PDE4D: variants seen among roughly 807,000 people sequenced by gnomAD.
PDE4D encodes phosphodiesterase 4D.
In PDE4D, 24 loss-of-function variants were observed where a neutral mutation model predicts 87.4. The observed-to-expected ratio is 0.27, with a 90% CI of 0.20 to 0.39. PDE4D has a LOEUF of 0.39. Among genes scored for constraint, PDE4D ranks in the 10% least tolerant of loss-of-function variants. PDE4D has a pLI of 1.00. For synonymous variants in PDE4D, 384 were observed against 383.2 expected, an observed-to-expected ratio of 1.00 and a Z score of -0.02; for missense variants, 714 against 1,041.0, an observed-to-expected ratio of 0.69 and a Z score of 4.32.
rs143832022 is a variant in PDE4D at position 60,098,979 on chromosome 5, G to C, written c.42+86578C>G. ...GAACTCCCTTTGGCATTTCTCTTAA[G>C]GCAGGTCTAGTGGAAATAAACTCTC... On this transcript the variant is annotated intron_variant, in intron 2 of 16. Transcript: ENST00000502484. Among the ~76,000 whole-genome samples, 167 of 152,108 alleles carry C rather than the reference G, an allele frequency of 1.1e-3. 4 individuals carry two copies. In the East Asian group the frequency reaches 0.028, roughly 26 times the overall value.
intron 6 of PDE4D, among the ~76,000 whole-genome samples, chr5:59,033,691 A>G (rs963774245): frequency 2.0e-5 from 3 of 152,184 alleles, no homozygotes; most frequent in African/African-American, 7.2e-5. Flanking sequence ...TGTTTAATCT[A>G]CCCATAACAT....
In PDE4D at chr5:59,219,466, C is replaced by T. The variant is rs896696891; in HGVS notation, c.456-3498G>A. 2.8e-4 allele frequency among the ~76,000 whole-genome samples: 42 copies of T among 151,868 alleles called. 1 individual carries two copies. In the South Asian group the frequency reaches 8.4e-3, roughly 30 times the overall value. ...AATTATCAAGAAAAAGTAATATTACCGAGAATCTCCAGTCTGAAGTATCAG... is the reference window on the plus strand; with the variant it reads ...AATTATCAAGAAAAAGTAATATTACTGAGAATCTCCAGTCTGAAGTATCAG... On this transcript the variant is annotated intron_variant, in intron 1 of 14. Transcript: ENST00000340635.
At chr5:60,197,300 A>G (rs1164781768) in intron 1 of PDE4D, among the ~76,000 whole-genome samples, 2 of 151,580 alleles carry the variant, frequency 1.3e-5, no homozygotes, top group Non-Finnish European at 3.0e-5. Flanking sequence ...AGATACCTTC[A>G]GAAGTTCCTT....
intron 1 of PDE4D, among the ~76,000 whole-genome samples, chr5:59,351,285 C>A (rs1780496021): frequency 6.6e-6 from 1 of 152,106 alleles, no homozygotes; most frequent in African/African-American, 2.4e-5. Context: ...GGCTCTAGAG[C>A]CAAAGTTCTC....
intron 1 of PDE4D, among the ~76,000 whole-genome samples, chr5:60,204,852 C>T (rs557859478): frequency 6.6e-6 from 1 of 152,246 alleles, no homozygotes; most frequent in South Asian, 2.1e-4. Context: ...TTCCACCTTA[C>T]TGGGACTCAG....
intron 1 of PDE4D, among the ~76,000 whole-genome samples, chr5:59,480,918 G>A (rs1411363715): frequency 1.3e-5 from 2 of 152,070 alleles, no homozygotes; most frequent in South Asian, 2.1e-4. Flanking sequence ...AGGCCAATCG[G>A]CTTTAGTGTT....
chr5:60,117,057 AT>A (rs1359910027), intron 2 of PDE4D, among the ~76,000 whole-genome samples: 2 of 149,008 alleles, frequency 1.3e-5, no homozygotes, highest in South Asian at 2.1e-4. Flanking sequence ...AAAAAAAAAA[AT>A]ATTTCCTTCC....
At chr5:59,725,584 C>A (rs758477762) in intron 1 of PDE4D, among the ~76,000 whole-genome samples, 2 of 152,056 alleles carry the variant, frequency 1.3e-5, no homozygotes, top group South Asian at 4.1e-4. Context: ...CTATTAAGAT[C>A]AATGGAATGC....
At chr5:59,612,463 A>G (rs568018305) in intron 1 of PDE4D, among the ~76,000 whole-genome samples, 1 of 152,288 alleles carries the variant, frequency 6.6e-6, no homozygotes, top group South Asian at 2.1e-4. Flanking sequence ...TATTCAACAA[A>G]TTTTTATTGA....
intron 2 of PDE4D, among the ~76,000 whole-genome samples, chr5:60,129,337 A>G (rs1250820051): frequency 6.6e-6 from 1 of 152,226 alleles, no homozygotes; most frequent in Non-Finnish European, 1.5e-5. Context: ...ATGGTATAAT[A>G]ATGGAACTTG....
chr5:59,918,655 C>T (rs191713040), intron 3 of PDE4D, among the ~76,000 whole-genome samples: 38 of 152,256 alleles, frequency 2.5e-4, no homozygotes, highest in African/African-American at 9.1e-4. Context: ...AAGGTAGTAG[C>T]GAACTGAGGA....
intron 1 of PDE4D, among the ~76,000 whole-genome samples, chr5:60,295,346 T>C (rs1007003389): frequency 6.6e-6 from 1 of 152,238 alleles, no homozygotes; most frequent in African/African-American, 2.4e-5. Context: ...GTTTTAATTA[T>C]TCTTCTTGCA....
intron 2 of PDE4D, among the ~76,000 whole-genome samples, chr5:60,051,166 G>C (rs1024226945): frequency 6.6e-6 from 1 of 152,210 alleles, no homozygotes; most frequent in Middle Eastern, 3.4e-3. Context: ...TTCAGGACTT[G>C]ATCTCAGCTC....
chr5:59,826,569 AAAGACACATG>A (rs1293071084), intron 1 of PDE4D, among the ~76,000 whole-genome samples: 2 of 152,112 alleles, frequency 1.3e-5, no homozygotes, highest in Admixed American at 6.6e-5. Context: ...AATGCAGCCA[AAAGACACATG>A]AGAACATTTT....
chr5:60,396,937 G>A (rs985152282), intron 1 of PDE4D, among the ~76,000 whole-genome samples: 24 of 152,272 alleles, frequency 1.6e-4, no homozygotes, highest in African/African-American at 4.8e-4. Context: ...AAACAAAGAC[G>A]AACACTAGGT....
chr5:60,318,105 T>A (rs926038125), intron 1 of PDE4D, among the ~76,000 whole-genome samples: 3 of 152,146 alleles, frequency 2.0e-5, no homozygotes, highest in Non-Finnish European at 4.4e-5. Context: ...TCTCCCATTA[T>A]TGTATGGGCG....
chr5:59,256,573 G>A (rs932755953), intron 1 of PDE4D, among the ~76,000 whole-genome samples: 3 of 152,048 alleles, frequency 2.0e-5, no homozygotes, highest in Non-Finnish European at 4.4e-5. Context: ...GAAAGCATCA[G>A]GACAGCAGTA....
chr5:59,893,497 C>A lies in PDE4D; in HGVS notation c.126G>T (p.Pro42=), dbSNP rs368880986. ...LWRHEQHHQY[P]LRQPQFRLLH... ...GGAGGCGGAACTGGGGCTGCCGGAG[C>A]GGGTACTGGTGGTGCTGCTCGTGCC... Residue 42 remains proline (P), a synonymous_variant, in exon 1 of 15, where the codon CCG becomes CCT. Coordinates refer to ENST00000340635, the MANE Select transcript of PDE4D (RefSeq NM_001104631.2). 7.9e-5 allele frequency: 121 copies of A among 1,540,424 alleles called. No individual in the cohort carries two copies. In the Middle Eastern group the frequency reaches 9.6e-4, roughly 12 times the overall value.
Position 59,318,932 on chromosome 5 carries a change from TA to T in PDE4D, c.456-102965del, listed in dbSNP as rs899021350. 2.0e-5 allele frequency among the ~76,000 whole-genome samples: 3 copies of T among 151,788 alleles called. No individual in the cohort carries two copies. The East Asian group carries it at 5.8e-4, about 29-fold the overall frequency. On this transcript the variant is annotated intron_variant, in intron 1 of 14. Transcript: ENST00000340635. ...GATTTGGAAAATTCTTTTATCTTAA[TA>T]AAAAAAAGACCATAGCCCTTCTGTT...
Sources: allele counts gnomAD v4.1 joint callset (sites outside exome capture counted in the v4.1 genomes callset), GRCh38; gene constraint gnomAD v4.1.1; transcripts MANE v1.5; gene names NCBI Gene and HGNC (gene_info 2026-07-23, HGNC 2026-07-21).